CPNE4: variants seen among roughly 807,000 people sequenced by gnomAD.
The protein encoded by CPNE4 is copine-4.
CPNE4 carries 25 observed loss-of-function variants against 67.9 expected under a neutral mutation model. The ratio of observed to expected loss-of-function variants is 0.37; its 90% CI spans 0.27 to 0.51. The LOEUF is 0.51. CPNE4 is among the 20% of genes least tolerant of loss of function. The pLI is 0.93. For missense variants in CPNE4, 464 were observed against 690.8 expected (o/e 0.67, Z 3.68); for synonymous variants, 242 against 244.9 (o/e 0.99, Z 0.11).
At chr3:131,728,273 A>G (rs1285559735) in intron 2 of CPNE4, among the ~76,000 whole-genome samples, 1 of 152,164 alleles carries the variant, frequency 6.6e-6, no homozygotes, top group African/African-American at 2.4e-5. Context: ...TTATAACAAT[A>G]TGAGGTAGGT....
At chr3:131,932,985 G>A (rs2071115700) in intron 1 of CPNE4, among the ~76,000 whole-genome samples, 1 of 152,062 alleles carries the variant, frequency 6.6e-6, no homozygotes, top group East Asian at 1.9e-4. Context: ...TGTGCTCCTG[G>A]GCAACAGAGC....
At chr3:131,688,739 A>G (rs1045784995) in intron 5 of CPNE4, among the ~76,000 whole-genome samples, 2 of 152,222 alleles carry the variant, frequency 1.3e-5, no homozygotes, top group Non-Finnish European at 2.9e-5. Flanking sequence ...AATGAAAAAT[A>G]TAGAAAACAG....
At chr3:131,618,210 A>G (rs2107754291) in intron 7 of CPNE4, among the ~76,000 whole-genome samples, 1 of 152,312 alleles carries the variant, frequency 6.6e-6, no homozygotes, top group Admixed American at 6.5e-5. Flanking sequence ...TTGGGAAGGC[A>G]GAGGCAGCTG....
chr3:131,790,580 C>T (rs73222308), intron 2 of CPNE4, among the ~76,000 whole-genome samples: 9,100 of 152,198 alleles, frequency 0.06, 341 homozygotes, highest in Non-Finnish European at 0.089. Context: ...AGAAATCCTG[C>T]CCTTCTTTTC....
intron 2 of CPNE4, among the ~76,000 whole-genome samples, chr3:131,792,656 CACACGTGTATATATACATAT>C (rs2083773127): frequency 1.4e-4 from 7 of 48,380 alleles, no homozygotes; most frequent in Non-Finnish European, 2.0e-4. Flanking sequence ...TGTATATATA[CACACGTGTATATATACATAT>C]ATACACACGT....
chr3:131,797,397 C>T (rs894081076), intron 2 of CPNE4, among the ~76,000 whole-genome samples: 10 of 152,272 alleles, frequency 6.6e-5, no homozygotes, highest in Admixed American at 5.9e-4. Flanking sequence ...ACAGCACTGA[C>T]TAATCCAGAC....
At chr3:131,927,676 T>C (rs2070936735) in intron 1 of CPNE4, among the ~76,000 whole-genome samples, 1 of 152,216 alleles carries the variant, frequency 6.6e-6, no homozygotes, top group South Asian at 2.1e-4. Context: ...TTGTCCCCTG[T>C]GTAAAACAAT....
intron 2 of CPNE4, among the ~76,000 whole-genome samples, chr3:131,833,657 C>T (rs2085458342): frequency 6.6e-6 from 1 of 152,158 alleles, no homozygotes; most frequent in Admixed American, 6.5e-5. Flanking sequence ...CATGACTGTG[C>T]CACTGCACTC....
intron 1 of CPNE4, among the ~76,000 whole-genome samples, chr3:131,958,168 T>G (rs2072032264): frequency 6.6e-6 from 1 of 152,212 alleles, no homozygotes; most frequent in South Asian, 2.1e-4. Flanking sequence ...GACATTCCAT[T>G]AGGCATTTGA....
chr3:131,966,599 C>CACAGATAAACTAGAAAATCTAGAAGAA (rs2072356144), intron 1 of CPNE4, among the ~76,000 whole-genome samples: 2 of 152,198 alleles, frequency 1.3e-5, no homozygotes, highest in Admixed American at 1.3e-4. Flanking sequence ...AACAACTCTA[C>CACAGATAAACTAGAAAATCTAGAAGAA]ACAGATAAAC....
Position 131,874,213 on chromosome 3 carries a change from C to A in CPNE4, c.180+31051G>T, listed in dbSNP as rs572785142. On this transcript the variant is annotated intron_variant, in intron 2 of 15. Coordinates refer to ENST00000429747, the MANE Select transcript of CPNE4 (RefSeq NM_130808.3). Reference sequence around the variant, plus strand: ...ACGCCATTCTCCTGCCTCAGCCCCCCGAGTAGCTGAGACTACAGGCGCCCT... The same window carrying A: ...ACGCCATTCTCCTGCCTCAGCCCCCAGAGTAGCTGAGACTACAGGCGCCCT... Among the ~76,000 whole-genome samples the A allele has an allele frequency of 7.9e-5, 12 of 152,018 alleles. No individual in the cohort carries two copies. In the South Asian group the frequency reaches 2.1e-3, roughly 26 times the overall value.
intron 4 of CPNE4, among the ~76,000 whole-genome samples, chr3:131,698,074 A>G (rs2081197033): frequency 6.6e-6 from 1 of 151,808 alleles, no homozygotes; most frequent in Non-Finnish European, 1.5e-5. Context: ...TACTAAAAAA[A>G]TACAAAAAAA....
At chr3:131,679,300 T>C (rs1583009482) in intron 6 of CPNE4, among the ~76,000 whole-genome samples, 1 of 152,238 alleles carries the variant, frequency 6.6e-6, no homozygotes, top group East Asian at 1.9e-4. Flanking sequence ...TCTCTGATTG[T>C]GTTTATTTGA....
intron 2 of CPNE4, among the ~76,000 whole-genome samples, chr3:131,885,062 A>G (rs2087825095): frequency 6.6e-6 from 1 of 152,212 alleles, no homozygotes; most frequent in Non-Finnish European, 1.5e-5. Flanking sequence ...AACAATTTGG[A>G]GTGCTCAGAA....
In CPNE4 at chr3:131,921,366, T is replaced by A. The variant is rs141448201; in HGVS notation, c.-1-15922A>T. 1.5e-3 allele frequency among the ~76,000 whole-genome samples: 234 copies of A among 152,288 alleles called. 1 individual carries two copies. The highest frequency in any genetic ancestry group is 5.5e-3 in the African/African-American group (229 of 41,568). On this transcript the variant is annotated intron_variant, in intron 1 of 15. Coordinates refer to ENST00000429747, the MANE Select transcript of CPNE4 (RefSeq NM_130808.3). The stretch of plus-strand genomic sequence containing the variant: ...TTCATAGTCATAGATACTCTCTCTT[T>A]ATCCCTAAGACCCCTAAAATTCAAC...
intron 4 of CPNE4, among the ~76,000 whole-genome samples, chr3:131,698,090 A>C (rs60931343): frequency 0.14 from 20,717 of 151,210 alleles, 1,639 homozygotes; most frequent in African/African-American, 0.2. Flanking sequence ...AAAAAATTAG[A>C]CAGGTGTGGT....
chr3:131,607,604 A>G (rs576199291), intron 7 of CPNE4, among the ~76,000 whole-genome samples: 12 of 152,292 alleles, frequency 7.9e-5, no homozygotes, highest in African/African-American at 2.9e-4. Flanking sequence ...TCCATCTCCC[A>G]CATAAAGGTT....
chr3:131,550,168 A>G, intron 13 of CPNE4, 88 bp from the exon 14 acceptor site: 1 of 1,389,304 alleles, frequency 7.2e-7, no homozygotes. Flanking sequence ...AGCATTAAAT[A>G]TCCCAAATAG....
At chr3:131,620,940 T>G (rs942943569) in intron 7 of CPNE4, among the ~76,000 whole-genome samples, 1 of 152,230 alleles carries the variant, frequency 6.6e-6, no homozygotes, top group African/African-American at 2.4e-5. Context: ...CCACCAATTT[T>G]GTGGTAATTT....
Sources: allele counts gnomAD v4.1 joint callset (sites outside exome capture counted in the v4.1 genomes callset), GRCh38; gene constraint gnomAD v4.1.1; transcripts MANE v1.5; gene names NCBI Gene and HGNC (gene_info 2026-07-23, HGNC 2026-07-21).